PKNOX2: variants seen among roughly 807,000 people sequenced by gnomAD.
PKNOX2 encodes the protein PBX/knotted 1 homeobox 2, also known as homeobox protein PKNOX2.
Under a neutral mutation model 53.1 loss-of-function variants are expected in PKNOX2, and 14 were observed. That is an observed-to-expected ratio of 0.26 (90% confidence interval 0.17 to 0.41). The LOEUF (loss-of-function observed/expected upper bound fraction) is 0.41. Among genes scored for constraint, PKNOX2 ranks in the 10% least tolerant of loss-of-function variants. The pLI is 1.00. For synonymous variants in PKNOX2, 257 were observed against 242.8 expected, an observed-to-expected ratio of 1.06 and a Z score of -0.54; for missense variants, 496 against 602.8, an observed-to-expected ratio of 0.82 and a Z score of 1.85.
chr11:125,384,970 TG>T (rs1422166240), intron 5 of PKNOX2, among the ~76,000 whole-genome samples: 1 of 152,134 alleles, frequency 6.6e-6, no homozygotes, highest in Non-Finnish European at 1.5e-5. Context: ...CCTAACACAC[TG>T]GGGTATCTGA....
chr11:125,391,611 G>C (rs529912459), intron 6 of PKNOX2, among the ~76,000 whole-genome samples: 163 of 152,364 alleles, frequency 1.1e-3, no homozygotes, highest in African/African-American at 3.7e-3. Context: ...AAAATAATCA[G>C]TGTGGGACAT....
chr11:125,197,699 A>T (rs1258516699), intron 1 of PKNOX2, among the ~76,000 whole-genome samples: 3 of 152,204 alleles, frequency 2.0e-5, no homozygotes, highest in Non-Finnish European at 4.4e-5. Context: ...AGGCTCTGGC[A>T]GGGCCACCGT....
chr11:125,195,908 CA>C (rs1937627002), intron 1 of PKNOX2, among the ~76,000 whole-genome samples: 1 of 151,920 alleles, frequency 6.6e-6, no homozygotes, highest in African/African-American at 2.4e-5. Flanking sequence ...CACACACACA[CA>C]CACACACACA....
chr11:125,339,802 G>A (rs552913791), intron 3 of PKNOX2, among the ~76,000 whole-genome samples: 27 of 152,358 alleles, frequency 1.8e-4, no homozygotes, highest in Admixed American at 1.4e-3. Flanking sequence ...AGACAGCTAC[G>A]ACACATTATC....
At chr11:125,259,878 CT>C (rs551076606) in intron 2 of PKNOX2, among the ~76,000 whole-genome samples, 382 of 143,810 alleles carry the variant, frequency 2.7e-3, no homozygotes, top group Middle Eastern at 3.7e-3. Context: ...TTTTTTAATT[CT>C]TTTTTTTTTT....
intron 2 of PKNOX2, among the ~76,000 whole-genome samples, chr11:125,241,525 C>T (rs529606473): frequency 3.9e-5 from 6 of 152,308 alleles, no homozygotes; most frequent in East Asian, 1.9e-4. Flanking sequence ...TACCTTGAAT[C>T]GTTCCTGGTC....
At chr11:125,410,755 C>G in intron 8 of PKNOX2, 24 bp from the exon 9 acceptor site, 1 of 1,592,516 alleles carries the variant, frequency 6.3e-7, no homozygotes, top group East Asian at 2.2e-5. Context: ...TGGCAGGGGA[C>G]CCCAAAACTG....
chr11:125,312,270 C>T (rs1334419915), intron 2 of PKNOX2, among the ~76,000 whole-genome samples: 1 of 152,168 alleles, frequency 6.6e-6, no homozygotes, highest in Non-Finnish European at 1.5e-5. Flanking sequence ...GTAAAAAATT[C>T]TTTTGGATGA....
intron 2 of PKNOX2, among the ~76,000 whole-genome samples, chr11:125,300,754 C>T (rs1324200831): frequency 6.6e-6 from 1 of 152,128 alleles, no homozygotes; most frequent in East Asian, 1.9e-4. Flanking sequence ...TAAACTCTCC[C>T]CAGATCCCAA....
At chr11:125,260,688 G>A (rs1195360706) in intron 2 of PKNOX2, among the ~76,000 whole-genome samples, 1 of 152,144 alleles carries the variant, frequency 6.6e-6, no homozygotes, top group Admixed American at 6.5e-5. Context: ...TTGCATTTGG[G>A]AGGTCAGCCC....
At chr11:125,193,727 C>T (rs1426550855) in intron 1 of PKNOX2, among the ~76,000 whole-genome samples, 1 of 152,186 alleles carries the variant, frequency 6.6e-6, no homozygotes, top group Non-Finnish European at 1.5e-5. Flanking sequence ...TCATGTGAAC[C>T]AAGACCCAGT....
At chr11:125,400,417 CT>C (rs1954675395) in intron 7 of PKNOX2, among the ~76,000 whole-genome samples, 1 of 152,146 alleles carries the variant, frequency 6.6e-6, no homozygotes, top group Non-Finnish European at 1.5e-5. Flanking sequence ...CTGGATTCAT[CT>C]TTCTAACTTT....
chr11:125,316,504 T>A (rs774771517), intron 2 of PKNOX2, among the ~76,000 whole-genome samples: 2 of 152,108 alleles, frequency 1.3e-5, no homozygotes, highest in Non-Finnish European at 2.9e-5. Flanking sequence ...AGGCATAAAC[T>A]GGGAGACATC....
In PKNOX2 at chr11:125,166,592, G is replaced by A. The variant is rs1220776358; in HGVS notation, c.-201+1816G>A. Among the ~76,000 whole-genome samples, 1 of 152,142 alleles carries A rather than the reference G, an allele frequency of 6.6e-6. No individual in the cohort carries two copies. Among genetic ancestry groups the A allele is most frequent in the Non-Finnish European group, 1.5e-5 (1 of 68,016 alleles). ...CGCGGCGGGGCGGGAGCGGTGGCCC[G>A]CAGGGGCCGCGGCCTGCGATGAAGG... On this transcript the variant is annotated intron_variant, in intron 1 of 12. Transcript: ENST00000298282. This position sits in a 1 kb window ranked among gnomAD's most constrained non-coding sequence, Gnocchi z 4.0.
At position 125,294,131 on chromosome 11, in the gene PKNOX2, C is replaced by T. The variant is rs147239842; in HGVS notation, c.-129-37688C>T. On this transcript the variant is annotated intron_variant, in intron 2 of 12. Coordinates refer to ENST00000298282, the MANE Select transcript of PKNOX2 (RefSeq NM_001382323.2). ...ATTCTATTTAACTTGTCATTTCAGACTATTATTTCCATGTTAACTACAGGA... is the reference window on the plus strand; with the variant it reads ...ATTCTATTTAACTTGTCATTTCAGATTATTATTTCCATGTTAACTACAGGA... Among the ~76,000 whole-genome samples the T allele has an allele frequency of 4.9e-3, 749 of 152,324 alleles. 3 individuals carry two copies. The highest frequency in any genetic ancestry group is 0.018 in the African/African-American group (728 of 41,562).
chr11:125,295,598 G>A (rs2135932164), intron 2 of PKNOX2, among the ~76,000 whole-genome samples: 1 of 152,330 alleles, frequency 6.6e-6, no homozygotes. Context: ...GAGGAGGGAA[G>A]CAGCAAGGAA....
intron 2 of PKNOX2, among the ~76,000 whole-genome samples, chr11:125,297,942 A>G (rs1397486191): frequency 2.6e-5 from 4 of 152,132 alleles, no homozygotes; most frequent in Non-Finnish European, 5.9e-5. Flanking sequence ...GGACAGTCTT[A>G]ATCACCTTTG....
chr11:125,397,156 G>T (rs777885854), intron 6 of PKNOX2, among the ~76,000 whole-genome samples: 1 of 152,174 alleles, frequency 6.6e-6, no homozygotes, highest in Non-Finnish European at 1.5e-5. Flanking sequence ...GAGGCAGCAG[G>T]CTCCCGTACA....
chr11:125,236,909 C>G (rs185199322), intron 2 of PKNOX2, among the ~76,000 whole-genome samples: 1 of 152,294 alleles, frequency 6.6e-6, no homozygotes, highest in African/African-American at 2.4e-5. Context: ...AAGTTAATTC[C>G]AATGGTGTCC....
Sources: allele counts gnomAD v4.1 joint callset (sites outside exome capture counted in the v4.1 genomes callset), GRCh38; gene constraint gnomAD v4.1.1; non-coding constraint Gnocchi (gnomAD v3.1); transcripts MANE v1.5; gene names NCBI Gene and HGNC (gene_info 2026-07-23, HGNC 2026-07-21).